The following BMPER variants were observed in gnomAD, a reference collection of about 807,000 sequenced individuals.
BMPER encodes BMP binding endothelial regulator.
Under a neutral mutation model 87.3 loss-of-function variants are expected in BMPER, and 45 were observed. The ratio of observed to expected loss-of-function variants is 0.52; its 90% confidence interval spans 0.41 to 0.66. The LOEUF is 0.66. Ranked by LOEUF, BMPER falls within the 30% of genes least tolerant of loss-of-function variation. BMPER has a pLI of 0.00. For missense variants in BMPER, 784 were observed against 867.5 expected (o/e 0.90, Z 1.21); for synonymous variants, 326 against 316.2 (o/e 1.03, Z -0.33).
At chr7:34,035,072 G>A (rs887208353) in intron 6 of BMPER, among the ~76,000 whole-genome samples, 1 of 152,110 alleles carries the variant, frequency 6.6e-6, no homozygotes, top group African/African-American at 2.4e-5. Context: ...TGCCAAGATT[G>A]GGTTGCAGCC....
chr7:34,078,121 G>A (rs1224812840), intron 11 of BMPER, among the ~76,000 whole-genome samples: 1 of 152,112 alleles, frequency 6.6e-6, no homozygotes, highest in Non-Finnish European at 1.5e-5. Flanking sequence ...GATCTCATAA[G>A]TATTTGAATT....
chr7:33,940,464 G>A (rs1028000546), intron 3 of BMPER, among the ~76,000 whole-genome samples: 1 of 152,196 alleles, frequency 6.6e-6, no homozygotes, highest in African/African-American at 2.4e-5. Flanking sequence ...GAGACCCTTG[G>A]GAGGGCATTC....
chr7:33,997,107 G>T lies in BMPER; in HGVS notation c.576+22323G>T, dbSNP rs1271067000. 2.0e-5 allele frequency among the ~76,000 whole-genome samples: 3 copies of T among 152,192 alleles called. No individual in the cohort carries two copies. In the East Asian group the frequency reaches 5.8e-4, roughly 29 times the overall value. ...ATCCCATGTTGATATTCTCTACCCA[G>T]TTGGTACTGATATTGTGTGGAGAGA... On this transcript the variant is annotated intron_variant, in intron 6 of 14. Transcript: ENST00000649409.
chr7:34,073,750 G>A (rs769206582), intron 11 of BMPER, among the ~76,000 whole-genome samples: 10 of 152,246 alleles, frequency 6.6e-5, no homozygotes, highest in East Asian at 3.8e-4. Context: ...CTACAAGATA[G>A]AGTATTTGAA....
chr7:34,050,876 G>C (rs1167563527), intron 7 of BMPER, among the ~76,000 whole-genome samples: 1 of 152,112 alleles, frequency 6.6e-6, no homozygotes, highest in East Asian at 1.9e-4. Flanking sequence ...CCTATGAAAG[G>C]CTGGACACTC....
At chr7:34,150,013 G>C (rs1024923092) in intron 14 of BMPER, among the ~76,000 whole-genome samples, 2 of 152,168 alleles carry the variant, frequency 1.3e-5, no homozygotes, top group African/African-American at 4.8e-5. Context: ...AGTTCTGAAA[G>C]AGATGGGGCA....
At chr7:34,087,975 T>C (rs1048980268) in intron 13 of BMPER, among the ~76,000 whole-genome samples, 4 of 152,242 alleles carry the variant, frequency 2.6e-5, no homozygotes, top group African/African-American at 9.6e-5. Flanking sequence ...TTACGAATGA[T>C]GACTTGGGCA....
At chr7:34,059,031 A>AG (rs796206867) in intron 10 of BMPER, among the ~76,000 whole-genome samples, 151 of 152,118 alleles carry the variant, frequency 9.9e-4, no homozygotes, top group African/African-American at 3.3e-3. Flanking sequence ...AAAAAAGAAA[A>AG]AAAAAAACCC....
At chr7:33,977,135 G>A (rs1785707657) in intron 6 of BMPER, among the ~76,000 whole-genome samples, 1 of 152,182 alleles carries the variant, frequency 6.6e-6, no homozygotes, top group Admixed American at 6.5e-5. Context: ...TTGTGTGTCA[G>A]TTTGGGTATG....
intron 11 of BMPER, among the ~76,000 whole-genome samples, chr7:34,069,413 T>A (rs1319152349): frequency 6.6e-6 from 1 of 152,202 alleles, no homozygotes; most frequent in Admixed American, 6.5e-5. Flanking sequence ...ATTGCTCCTA[T>A]AACTAACAGC....
intron 8 of BMPER, among the ~76,000 whole-genome samples, chr7:34,053,535 A>T (rs1788199382): frequency 6.6e-6 from 1 of 152,232 alleles, no homozygotes; most frequent in Non-Finnish European, 1.5e-5. Context: ...CTTACCAATC[A>T]TATAAACAGT....
chr7:34,039,092 T>G (rs1787764029), intron 6 of BMPER, among the ~76,000 whole-genome samples: 1 of 152,250 alleles, frequency 6.6e-6, no homozygotes, highest in African/African-American at 2.4e-5. Flanking sequence ...TTGAGGCCTG[T>G]TCTTCTCTCA....
chr7:34,013,010 A>G (rs1202075577), intron 6 of BMPER, among the ~76,000 whole-genome samples: 1 of 151,896 alleles, frequency 6.6e-6, no homozygotes, highest in East Asian at 2.0e-4. Context: ...GAATCCCCAG[A>G]TGTTTCAGCC....
intron 4 of BMPER, 27 bp from the exon 5 acceptor site, chr7:33,970,302 C>G: frequency 2.5e-6 from 4 of 1,606,240 alleles, no homozygotes; most frequent in Non-Finnish European, 2.6e-6. Flanking sequence ...TCTGGGCTGA[C>G]TTTGCTTGTT....
intron 7 of BMPER, among the ~76,000 whole-genome samples, chr7:34,047,764 T>A (rs1376417724): frequency 6.6e-6 from 1 of 151,856 alleles, no homozygotes; most frequent in Non-Finnish European, 1.5e-5. Context: ...GTGTTTCTGC[T>A]CCTGCTATTT....
chr7:34,084,175 C>G (rs1789135559), intron 12 of BMPER, among the ~76,000 whole-genome samples: 1 of 152,136 alleles, frequency 6.6e-6, no homozygotes, highest in Admixed American at 6.5e-5. Context: ...GTGGCATGCA[C>G]TTGTAGTCCC....
At chr7:34,013,535 A>G (rs536202797) in intron 6 of BMPER, among the ~76,000 whole-genome samples, 2 of 151,924 alleles carry the variant, frequency 1.3e-5, no homozygotes, top group South Asian at 2.1e-4. Flanking sequence ...TAATTTACAT[A>G]TCATAAAATT....
At chr7:34,095,745 T>TG (rs869193724) in intron 13 of BMPER, among the ~76,000 whole-genome samples, 8 of 352 alleles carry the variant, frequency 0.023, no homozygotes, top group African/African-American at 0.028. Context: ...CCAGGCATGA[T>TG]TTTTTTTAGT....
chr7:33,949,967 A>T (rs145426980), intron 3 of BMPER, among the ~76,000 whole-genome samples: 207 of 152,354 alleles, frequency 1.4e-3, no homozygotes, highest in African/African-American at 4.7e-3. Flanking sequence ...CATGCTTCAC[A>T]AAAAGCTGTT....
Sources: allele counts gnomAD v4.1 joint callset (sites outside exome capture counted in the v4.1 genomes callset), GRCh38; gene constraint gnomAD v4.1.1; transcripts MANE v1.5; gene names NCBI Gene and HGNC (gene_info 2026-07-23, HGNC 2026-07-21).